Variants in TVP23C observed in about 807,000 individuals in gnomAD.
TVP23C encodes trans-golgi network vesicle protein 23 homolog C, also known as Golgi apparatus membrane protein TVP23 homolog C.
TVP23C carries 19 observed loss-of-function variants against 28.7 expected under a neutral mutation model. That is an observed-to-expected ratio of 0.66 (90% CI 0.46 to 0.97). TVP23C has a LOEUF of 0.97. Ranked by LOEUF, TVP23C falls within the 50% of genes least tolerant of loss-of-function variation. TVP23C has a pLI of 0.00. For synonymous variants in TVP23C, 68 were observed against 81.7 expected, an observed-to-expected ratio of 0.83 and a Z score of 0.90; for missense variants, 186 against 241.3, an observed-to-expected ratio of 0.77 and a Z score of 1.52.
chr17:15,516,629 C>T (rs1982239916), intron 5 of TVP23C: 1 of 151,266 alleles, frequency 6.6e-6, no homozygotes, highest in Admixed American at 6.6e-5. Context: ...TTAATCATGT[C>T]TTTAAAGGTC....
rs934095104 is a variant in TVP23C, at chr17:15,539,320, A to G, written c.*1092T>C. 2.0e-6 allele frequency: 2 copies of G among 985,456 alleles called. No individual in the cohort carries two copies. Among genetic ancestry groups the G allele is most frequent in the African/African-American group, 3.5e-5 (2 of 57,240 alleles). The allele number at this position is 985,456 out of a possible 1,614,324, so 61.0% of individuals were successfully genotyped here. A position where few individuals can be genotyped will look rare whatever the true frequency, so the allele number is the denominator to read the frequency against. On this transcript the variant is annotated 3_prime_UTR_variant, in exon 6 of 6. Coordinates refer to ENST00000518321, the MANE Select transcript of TVP23C (RefSeq NM_001135036.2). ...CAAGGTATTACTCATATAAAGACCT[A>G]GTCACGGCCAGGCGCCGTGGCTCAC...
intron 5 of TVP23C, among the ~76,000 whole-genome samples, chr17:15,521,807 TGTCACACAGAGGTCTATAA>T (rs1482034593): frequency 2.6e-5 from 4 of 152,338 alleles, no homozygotes; most frequent in South Asian, 2.1e-4. Flanking sequence ...AACATATATT[TGTCACACAGAGGTCTATAA>T]GTCACACAGA....
At chr17:15,534,416 C>T (rs576181815), downstream of TVP23C, among the ~76,000 whole-genome samples, 10 of 151,868 alleles carry the variant, frequency 6.6e-5, no homozygotes, top group Admixed American at 1.3e-4. Context: ...GTATTAGTTA[C>T]CTACCTGTAA....
rs920105286 is a variant in TVP23C at position 15,539,907 on chromosome 17, C to T, written c.*505G>A. ...ATGAGATGGAGACCATCCTGGCTAA[C>T]ATGATGAAATCCCATCTCTACTGAA... On this transcript the variant is annotated 3_prime_UTR_variant, in exon 6 of 6. Coordinates refer to ENST00000518321, the MANE Select transcript of TVP23C (RefSeq NM_001135036.2). 7 of 685,406 alleles carry T rather than the reference C, an allele frequency of 1.0e-5. No individual in the cohort carries two copies. The African/African-American group carries it at 1.4e-4, about 13-fold the overall frequency. 42.5% of individuals were successfully genotyped at this position (685,406 alleles called of 1,614,324 possible).
At chr17:15,503,225 G>A in exon 6 of TVP23C, 1 of 1,510,734 alleles carries the variant, frequency 6.6e-7, no homozygotes, top group Admixed American at 2.4e-5. Context: ...AATGTGGCGA[G>A]ACCGTCTCTA....
intron 5 of TVP23C, among the ~76,000 whole-genome samples, chr17:15,511,053 C>CAAAA (rs58794054): frequency 9.6e-5 from 8 of 83,396 alleles, no homozygotes; most frequent in Admixed American, 1.6e-4. Flanking sequence ...GACTTCGTCT[C>CAAAA]AAAAAAAAAA....
At chr17:15,517,923 T>C (rs149690588) in intron 5 of TVP23C, among the ~76,000 whole-genome samples, 7,601 of 152,136 alleles carry the variant, frequency 0.05, 268 homozygotes, top group Non-Finnish European at 0.073. Context: ...TCCCAGTATT[T>C]TGGGAGGCCA....
At chr17:15,548,096 A>G (rs1229952244) in intron 3 of TVP23C, among the ~76,000 whole-genome samples, 2 of 152,106 alleles carry the variant, frequency 1.3e-5, no homozygotes, top group Non-Finnish European at 2.9e-5. Context: ...TAGAAATCAC[A>G]GGCATTTTTT....
At chr17:15,543,154 C>T (rs936453460) in intron 5 of TVP23C, among the ~76,000 whole-genome samples, 2 of 147,754 alleles carry the variant, frequency 1.4e-5, no homozygotes, top group Non-Finnish European at 3.0e-5. Context: ...GCCAAGACAG[C>T]AAGAGCCTGG....
At chr17:15,535,401 G>A (rs1161419562), downstream of TVP23C, among the ~76,000 whole-genome samples, 1 of 150,138 alleles carries the variant, frequency 6.7e-6, no homozygotes, top group African/African-American at 2.5e-5. Flanking sequence ...GTGCCCACAG[G>A]GAGAAACTAC....
chr17:15,510,919 T>G (rs1425904472), intron 5 of TVP23C, among the ~76,000 whole-genome samples: 1 of 151,892 alleles, frequency 6.6e-6, no homozygotes, highest in Non-Finnish European at 1.5e-5. Context: ...TTAGGCGTGG[T>G]GGCAGGTGCC....
rs1410648221 is a variant in TVP23C at position 15,527,116 on chromosome 17, A to T, written c.462+18669T>A. On this transcript the variant is annotated intron_variant, in intron 5 of 5. Coordinates refer to the TVP23C transcript ENST00000225576. ...ATAATAGCCACATCTCCGAACAGCC[A>T]GTTTTAGCCTGCCTGATAAGGAAGT... Among the ~76,000 whole-genome samples, 5 of 152,164 alleles carry T rather than the reference A, an allele frequency of 3.3e-5. No individual in the cohort carries two copies. The South Asian group carries it at 1.0e-3, about 32-fold the overall frequency.
chr17:15,502,958 C>G (rs775637111), exon 6 of TVP23C: 2 of 1,614,144 alleles, frequency 1.2e-6, no homozygotes, highest in Non-Finnish European at 1.7e-6. Context: ...GGCCCAAAGC[C>G]GCAAGGAGAG....
chr17:15,554,581 T>A (rs1597546761), intron 2 of TVP23C, among the ~76,000 whole-genome samples: 1 of 152,272 alleles, frequency 6.6e-6, no homozygotes, highest in African/African-American at 2.4e-5. Flanking sequence ...AATTCACATA[T>A]CATACAATTT....
downstream of TVP23C, among the ~76,000 whole-genome samples, chr17:15,532,861 A>G (rs1212248318): frequency 6.6e-6 from 1 of 152,230 alleles, no homozygotes; most frequent in Non-Finnish European, 1.5e-5. Flanking sequence ...AGACATTACC[A>G]ACCATGATAG....
In TVP23C at chr17:15,538,197, C is replaced by G. The variant is rs62072580; in HGVS notation, c.*2215G>C. On this transcript the variant is annotated 3_prime_UTR_variant, in exon 6 of 6. Coordinates refer to ENST00000518321, the MANE Select transcript of TVP23C (RefSeq NM_001135036.2). ...GAACTCCTTAACATCAAAGTTATTT[C>G]ACTTCACACACCATGGACTTGGGGC... The G allele has an allele frequency of 7.0e-3, 11,321 of 1,613,562 alleles. 42 individuals carry two copies. The highest frequency in any genetic ancestry group is 8.5e-3 in the Non-Finnish European group (10,042 of 1,179,758).
intron 5 of TVP23C, among the ~76,000 whole-genome samples, chr17:15,515,962 G>C (rs1163348549): frequency 6.6e-6 from 1 of 152,070 alleles, no homozygotes; most frequent in African/African-American, 2.4e-5. Context: ...CATAAGATCT[G>C]GTTATTTTAA....
intron 1 of TVP23C, among the ~76,000 whole-genome samples, chr17:15,561,330 G>A (rs1401061277): frequency 3.9e-5 from 6 of 152,298 alleles, no homozygotes; most frequent in Non-Finnish European, 7.3e-5. Context: ...CGGGCCTGGC[G>A]GCTCACGCCT....
intron 5 of TVP23C, 84 bp from the exon 6 acceptor site, chr17:15,540,645 T>C (rs1805100793): frequency 3.2e-6 from 3 of 942,354 alleles, no homozygotes; most frequent in Middle Eastern, 2.2e-4. Context: ...AGGCAGACTG[T>C]CATGAGAAAG....
Sources: allele counts gnomAD v4.1 joint callset (sites outside exome capture counted in the v4.1 genomes callset), GRCh38; gene constraint gnomAD v4.1.1; transcripts MANE v1.5; gene names NCBI Gene and HGNC (gene_info 2026-07-23, HGNC 2026-07-21).